Variants in TAFA2 observed in about 807,000 individuals in gnomAD.
The protein encoded by TAFA2 is chemokine-like protein TAFA-2.
In TAFA2, 7 loss-of-function variants were observed where a neutral mutation model predicts 18.8. The observed-to-expected ratio is 0.37, with a 90% CI of 0.21 to 0.70. The LOEUF is 0.70. Ranked by LOEUF, TAFA2 falls within the 30% of genes least tolerant of loss-of-function variation. TAFA2 has a pLI of 0.53. For missense variants in TAFA2, 122 were observed against 158.1 expected, an observed-to-expected ratio of 0.77 and a Z score of 1.23; for synonymous variants, 60 against 54.2, an observed-to-expected ratio of 1.11 and a Z score of -0.47.
chr12:61,845,125 C>T (rs1873348511), intron 2 of TAFA2, among the ~76,000 whole-genome samples: 1 of 152,082 alleles, frequency 6.6e-6, no homozygotes, highest in Admixed American at 6.6e-5. Flanking sequence ...AAATGAAAAA[C>T]TCCAAGAAGT....
intron 1 of TAFA2, among the ~76,000 whole-genome samples, chr12:62,160,061 G>T (rs1055776959): frequency 2.0e-5 from 3 of 152,118 alleles, no homozygotes; most frequent in South Asian, 2.1e-4. Context: ...CATCATCTGC[G>T]TGCCAGTTCC....
intron 1 of TAFA2, among the ~76,000 whole-genome samples, chr12:62,122,428 T>C (rs76526915): frequency 0.02 from 3,045 of 152,344 alleles, 95 homozygotes; most frequent in African/African-American, 0.067. Context: ...ATCAGCTCTT[T>C]GAGGATAACA....
intron 1 of TAFA2, among the ~76,000 whole-genome samples, chr12:61,936,386 G>A (rs1403093093): frequency 6.6e-6 from 1 of 152,014 alleles, no homozygotes; most frequent in African/African-American, 2.4e-5. Context: ...CACCAACATG[G>A]TGAAACCCTG....
intron 1 of TAFA2, among the ~76,000 whole-genome samples, chr12:62,061,810 A>AT (rs1192914040): frequency 6.6e-6 from 1 of 152,082 alleles, no homozygotes; most frequent in Non-Finnish European, 1.5e-5. Context: ...AGATCAGACT[A>AT]TTTTTTTACT....
At chr12:61,984,956 ACT>A (rs1879763601) in intron 1 of TAFA2, among the ~76,000 whole-genome samples, 1 of 152,140 alleles carries the variant, frequency 6.6e-6, no homozygotes, top group African/African-American at 2.4e-5. Context: ...TGTATACCAG[ACT>A]CTCTTTGACT....
intron 1 of TAFA2, among the ~76,000 whole-genome samples, chr12:62,118,420 T>C (rs942831775): frequency 6.6e-6 from 1 of 152,130 alleles, no homozygotes; most frequent in African/African-American, 2.4e-5. Flanking sequence ...CCATTCCAAG[T>C]GGCAATGATG....
intron 1 of TAFA2, among the ~76,000 whole-genome samples, chr12:61,908,583 C>T (rs7968617): frequency 1.3e-5 from 2 of 152,052 alleles, no homozygotes; most frequent in Admixed American, 1.3e-4. Flanking sequence ...ATTCCAGGTA[C>T]GCTCAAAAAA....
chr12:62,145,326 C>T (rs570153292), intron 1 of TAFA2, among the ~76,000 whole-genome samples: 1 of 152,310 alleles, frequency 6.6e-6, no homozygotes, highest in African/African-American at 2.4e-5. Flanking sequence ...CTCAGATTCT[C>T]GTAGGAGCCA....
chr12:61,883,343 AT>A (rs1875231900), intron 1 of TAFA2, among the ~76,000 whole-genome samples: 2 of 152,240 alleles, frequency 1.3e-5, no homozygotes, highest in African/African-American at 4.8e-5. Flanking sequence ...CACATGTGTC[AT>A]TGGAATATAG....
intron 1 of TAFA2, among the ~76,000 whole-genome samples, chr12:62,079,392 C>T (rs771660050): frequency 4.5e-4 from 68 of 151,942 alleles, no homozygotes; most frequent in Non-Finnish European, 3.8e-4. Flanking sequence ...GTGGCTCACA[C>T]CTGTAATCCC....
chr12:61,864,834 C>T (rs1874284674), intron 2 of TAFA2, among the ~76,000 whole-genome samples: 1 of 150,186 alleles, frequency 6.7e-6, no homozygotes, highest in Admixed American at 6.6e-5. Flanking sequence ...GAGTTGACAT[C>T]TGTAATGCTC....
intron 2 of TAFA2, chr12:61,776,299 G>T: frequency 5.3e-6 from 1 of 189,394 alleles, no homozygotes; most frequent in Non-Finnish European, 1.1e-5. Context: ...AGGTACCTAG[G>T]TTCACCTGAA....
rs75317055 is a variant in TAFA2 at position 62,033,092 on chromosome 12, G to A, written c.-2+158167C>T. 9.4e-3 allele frequency among the ~76,000 whole-genome samples: 1,425 copies of A among 152,212 alleles called. 21 individuals carry two copies. Among genetic ancestry groups the A allele is most frequent in the African/African-American group, 0.033 (1,364 of 41,520 alleles). On this transcript the variant is annotated intron_variant, in intron 1 of 4. Coordinates refer to ENST00000416284, the MANE Select transcript of TAFA2 (RefSeq NM_178539.5). The stretch of plus-strand genomic sequence containing the variant: ...CACAGCCATGTCAGACTAGCACCTG[G>A]GAAGTTATTCCACCCTGTCCAGGGA...
intron 3 of TAFA2, 117 bp downstream of exon 3, chr12:61,754,755 T>C (rs1869182439): frequency 1.0e-6 from 1 of 971,394 alleles, no homozygotes; most frequent in South Asian, 2.4e-5. Context: ...CAACTTATCA[T>C]GGTATTTGTA....
chr12:61,987,466 C>A (rs931347475), intron 1 of TAFA2, among the ~76,000 whole-genome samples: 2 of 152,124 alleles, frequency 1.3e-5, no homozygotes, highest in Non-Finnish European at 2.9e-5. Context: ...TATTCCACAG[C>A]CGGAGTAACA....
intron 1 of TAFA2, among the ~76,000 whole-genome samples, chr12:62,162,130 G>A (rs926919490): frequency 6.6e-6 from 1 of 152,130 alleles, no homozygotes; most frequent in Non-Finnish European, 1.5e-5. Context: ...TCTTTCTCAA[G>A]GACCCAGGAG....
intron 1 of TAFA2, among the ~76,000 whole-genome samples, chr12:62,163,592 G>A (rs1160197679): frequency 6.6e-6 from 1 of 152,052 alleles, no homozygotes; most frequent in Admixed American, 6.6e-5. Flanking sequence ...TCATATTCAG[G>A]GAGGTGTCTT....
intron 1 of TAFA2, among the ~76,000 whole-genome samples, chr12:61,997,544 A>AT (rs1481810912): frequency 1.3e-5 from 2 of 152,140 alleles, no homozygotes; most frequent in African/African-American, 2.4e-5. Context: ...AAAAGGAAGT[A>AT]TTTGGGGAGT....
chr12:62,094,133 C>A (rs920738490), intron 1 of TAFA2, among the ~76,000 whole-genome samples: 1 of 152,022 alleles, frequency 6.6e-6, no homozygotes, highest in East Asian at 1.9e-4. Flanking sequence ...GTTCCCCATT[C>A]TTCTCAGGGT....
Sources: gnomAD v4.1 joint callset for allele counts (sites outside exome capture counted in the v4.1 genomes callset) on GRCh38, gnomAD v4.1.1 for gene constraint, MANE v1.5 for transcripts, NCBI Gene and HGNC (gene_info 2026-07-23, HGNC 2026-07-21) for gene names.